The following RPTOR variants were observed in gnomAD, a reference collection of about 807,000 sequenced individuals.
The protein encoded by RPTOR is regulatory-associated protein of mTOR.
Under a neutral mutation model 169.9 loss-of-function variants are expected in RPTOR, and 21 were observed. That is an observed-to-expected ratio of 0.12 (90% CI 0.09 to 0.18). The LOEUF (loss-of-function observed/expected upper bound fraction) is 0.18, where lower values mean the gene tolerates loss of function less well. RPTOR is among the 10% of genes least tolerant of loss of function. The pLI, the probability that RPTOR is intolerant of heterozygous loss-of-function variation, is 1.00. For synonymous variants in RPTOR, 732 were observed against 753.2 expected (o/e 0.97, Z 0.46); for missense variants, 1,133 against 1,855.9 (o/e 0.61, Z 7.16).
intron 3 of RPTOR, among the ~76,000 whole-genome samples, chr17:80,705,416 G>C (rs1297799676): frequency 6.6e-6 from 1 of 152,206 alleles, no homozygotes; most frequent in Non-Finnish European, 1.5e-5. Context: ...GGCTTTGCTT[G>C]CAGGTACAAA....
At chr17:80,939,370 C>T (rs1190634266) in intron 24 of RPTOR, among the ~76,000 whole-genome samples, 2 of 152,250 alleles carry the variant, frequency 1.3e-5, no homozygotes, top group South Asian at 2.1e-4. Flanking sequence ...CATGCACGCA[C>T]TCGCACACAC....
rs1474868370 is a variant in RPTOR, at chr17:80,700,592, GTGGTGATGGTGATGA to G, written c.349-7237_349-7223del. 2.0e-3 allele frequency among the ~76,000 whole-genome samples: 55 copies of G among 27,410 alleles called. 1 individual carries two copies. In the Admixed American group the frequency reaches 0.025, roughly 13 times the overall value. The allele number at this position is 27,410 out of a possible 152,430, so 18.0% of individuals were successfully genotyped here. Reference sequence around the variant, plus strand: ...GATGGTGATGGTGATGATGGAAGTGGTGGTGATGGTGATGATGGTGATGGTGGTGGTGGTGGCGGC... The same window carrying G: ...GATGGTGATGGTGATGATGGAAGTGGTGGTGATGGTGGTGGTGGTGGCGGC... On this transcript the variant is annotated intron_variant, in intron 3 of 33. Coordinates refer to ENST00000306801, the MANE Select transcript of RPTOR (RefSeq NM_020761.3).
At chr17:80,766,146 C>T (rs932052022) in intron 6 of RPTOR, among the ~76,000 whole-genome samples, 5 of 152,246 alleles carry the variant, frequency 3.3e-5, no homozygotes, top group African/African-American at 1.2e-4. Context: ...GTCTCAACTT[C>T]TCGGGCTCAA....
At position 80,692,278 on chromosome 17, in the gene RPTOR, C is replaced by CGTTATGTTAT. The variant is rs71367010; in HGVS notation, c.349-15517_349-15508dup. Among the ~76,000 whole-genome samples the CGTTATGTTAT allele has an allele frequency of 9.5e-3, 1,389 of 145,480 alleles. 12 individuals are homozygous for CGTTATGTTAT. The highest frequency in any genetic ancestry group is 0.013 in the Non-Finnish European group (842 of 66,560). On this transcript the variant is annotated intron_variant, in intron 3 of 33. Transcript: ENST00000306801. ...AGGTGCACGCCACCATGTCTGGCTA[C>CGTTATGTTAT]GTTATGTTATGTTATGTTATGTTAT... is the stretch of plus-strand genomic sequence containing the variant.
At chr17:80,771,187 T>C (rs1437713574) in intron 6 of RPTOR, among the ~76,000 whole-genome samples, 1 of 152,174 alleles carries the variant, frequency 6.6e-6, no homozygotes, top group Non-Finnish European at 1.5e-5. Context: ...CCAGCCTCTC[T>C]TCCTGCACTT....
At chr17:80,847,680 T>A (rs1342531020) in intron 11 of RPTOR, among the ~76,000 whole-genome samples, 1 of 152,164 alleles carries the variant, frequency 6.6e-6, no homozygotes. Flanking sequence ...CCGGGTGTGG[T>A]GCTGAGTTCT....
intron 4 of RPTOR, among the ~76,000 whole-genome samples, chr17:80,713,047 A>G (rs1481015173): frequency 6.6e-6 from 1 of 151,970 alleles, no homozygotes; most frequent in Non-Finnish European, 1.5e-5. Flanking sequence ...AGTTCTTTCC[A>G]TATTTCAGAT....
intron 1 of RPTOR, among the ~76,000 whole-genome samples, chr17:80,591,163 T>TC (rs2065102452): frequency 2.4e-3 from 1 of 422 alleles, no homozygotes; most frequent in Admixed American, 0.02. Context: ...TCCCCTCCCC[T>TC]CCCTTCCCTT....
chr17:80,607,864 T>A (rs1407648578), intron 1 of RPTOR, among the ~76,000 whole-genome samples: 2 of 152,158 alleles, frequency 1.3e-5, no homozygotes, highest in East Asian at 3.8e-4. Context: ...ACATAATTTT[T>A]ATTATAATGC....
In RPTOR at chr17:80,937,414, C is replaced by T. The variant is rs187338029; in HGVS notation, c.2920-3082C>T. On this transcript the variant is annotated intron_variant, in intron 24 of 33. Coordinates refer to ENST00000306801, the MANE Select transcript of RPTOR (RefSeq NM_020761.3). ...CCCAAACTGCTGCTTTCCCGTAAGT[C>T]TTCTGGGGAACCTCTAATCTCCCTT... 2.5e-3 allele frequency among the ~76,000 whole-genome samples: 377 copies of T among 152,326 alleles called. 2 individuals are homozygous for T. Among genetic ancestry groups the T allele is most frequent in the Admixed American group, 2.5e-3 (38 of 15,306 alleles).
intron 7 of RPTOR, among the ~76,000 whole-genome samples, chr17:80,818,641 C>T (rs1467918749): frequency 6.6e-6 from 1 of 152,208 alleles, no homozygotes; most frequent in Non-Finnish European, 1.5e-5. Context: ...CTTTTGCTCA[C>T]TGGATGGTTG....
chr17:80,666,393 T>C (rs1440269092), intron 3 of RPTOR, among the ~76,000 whole-genome samples: 2 of 152,136 alleles, frequency 1.3e-5, no homozygotes, highest in Non-Finnish European at 2.9e-5. Flanking sequence ...GCTACCGCTG[T>C]CTTCAGGGTG....
chr17:80,688,863 C>T (rs2065968896), intron 3 of RPTOR, among the ~76,000 whole-genome samples: 1 of 152,260 alleles, frequency 6.6e-6, no homozygotes, highest in African/African-American at 2.4e-5. Context: ...TGTTGGAACA[C>T]AGACTCTCTG....
chr17:80,616,377 C>T (rs2065310490), intron 1 of RPTOR, among the ~76,000 whole-genome samples: 1 of 146,278 alleles, frequency 6.8e-6, no homozygotes, highest in Non-Finnish European at 1.5e-5. Context: ...TCTCAGCCCA[C>T]TGCAACCTCT....
At position 80,947,676 on chromosome 17, in the gene RPTOR, C is replaced by A. The variant is rs1019063741; in HGVS notation, c.3265+325C>A. Among the ~76,000 whole-genome samples, 2 of 152,162 alleles carry A rather than the reference C, an allele frequency of 1.3e-5. No homozygotes were observed. The highest frequency in any genetic ancestry group is 2.9e-5 in the Non-Finnish European group (2 of 68,018). ...GAGACCCGGTGGGTCCCACGTGACA[C>A]CCGAGAATCAGGGAAGGATGCCCCA... On this transcript the variant is annotated intron_variant, in intron 27 of 33. Transcript: ENST00000306801. The surrounding 1 kb of genome is among the most constrained non-coding windows in gnomAD (Gnocchi z 4.4).
chr17:80,763,068 C>T (rs1381538438), intron 6 of RPTOR, among the ~76,000 whole-genome samples: 4 of 152,024 alleles, frequency 2.6e-5, no homozygotes, highest in Non-Finnish European at 2.9e-5. Flanking sequence ...CAAAACAGCA[C>T]GACCCTGTCT....
At chr17:80,782,071 C>T (rs933143784) in intron 6 of RPTOR, among the ~76,000 whole-genome samples, 11 of 152,238 alleles carry the variant, frequency 7.2e-5, no homozygotes, top group African/African-American at 2.4e-4. Flanking sequence ...TACAGCAGCA[C>T]CGTTCCCCCA....
At chr17:80,759,867 G>A (rs2066716902) in intron 6 of RPTOR, among the ~76,000 whole-genome samples, 2 of 152,060 alleles carry the variant, frequency 1.3e-5, no homozygotes, top group Admixed American at 1.3e-4. Flanking sequence ...TACCATCTAA[G>A]GACAACTAGT....
chr17:80,857,854 G>A lies in RPTOR; in HGVS notation c.1463G>A (p.Arg488Gln), dbSNP rs780248757. The change falls in exon 13 of 34, where the codon CGG becomes CAG. Residue 488 changes from arginine (R) to glutamine (Q), a missense_variant. Transcript: ENST00000306801. ...KLLQSSARELRPLLVFIWAKI... is the reference protein window; with the variant it reads ...KLLQSSARELQPLLVFIWAKI... The stretch of plus-strand genomic sequence containing the variant: ...CTCCAGAGCTCGGCCCGAGAGCTGC[G>A]GCCACTTCTCGTTTTCATCTGGGCC... The A allele has an allele frequency of 9.3e-6, 15 of 1,613,188 alleles. No homozygotes were observed. The highest frequency in any genetic ancestry group is 1.7e-5 in the Admixed American group (1 of 59,992).
Sources: allele counts gnomAD v4.1 joint callset (sites outside exome capture counted in the v4.1 genomes callset), GRCh38; gene constraint gnomAD v4.1.1; non-coding constraint Gnocchi (gnomAD v3.1); transcripts MANE v1.5; gene names NCBI Gene and HGNC (gene_info 2026-07-23, HGNC 2026-07-21).